Variants in PCDH11X observed in about 807,000 individuals in gnomAD.
The protein encoded by PCDH11X is protocadherin-11 X-linked.
Under a neutral mutation model 53.3 loss-of-function variants are expected in PCDH11X, and 18 were observed. The ratio of observed to expected loss-of-function variants is 0.34; its 90% CI spans 0.23 to 0.50. PCDH11X has a LOEUF of 0.50. Ranked by LOEUF, PCDH11X falls within the 20% of genes least tolerant of loss-of-function variation. The pLI, the probability that PCDH11X is intolerant of heterozygous loss-of-function variation, is 0.98. For missense variants in PCDH11X, 570 were observed against 1,032.4 expected (o/e 0.55, Z 6.14); for synonymous variants, 279 against 393.3 (o/e 0.71, Z 3.44).
intron 6 of PCDH11X, among the ~76,000 whole-genome samples, chrX:92,015,889 G>A (rs376211806): frequency 2.7e-5 from 3 of 110,918 alleles, no homozygotes; most frequent in Admixed American, 9.6e-5. Flanking sequence ...TTCCATTTGC[G>A]TTTCTCAGAT....
chrX:92,597,024 A>G (rs754468338), intron 10 of PCDH11X, among the ~76,000 whole-genome samples: 3 of 111,388 alleles, frequency 2.7e-5, no homozygotes, highest in Admixed American at 1.9e-4. Flanking sequence ...AACTGAACAC[A>G]CTACAACATA....
intron 6 of PCDH11X, among the ~76,000 whole-genome samples, chrX:91,943,663 T>C (rs2061536484): frequency 1.0e-5 from 1 of 99,236 alleles, no homozygotes; most frequent in South Asian, 5.2e-4. Context: ...ACAGAATGCT[T>C]TCCCCCTGAA....
chrX:92,003,334 G>A (rs1306301444), intron 6 of PCDH11X, among the ~76,000 whole-genome samples: 1 of 107,363 alleles, frequency 9.3e-6, no homozygotes, highest in Non-Finnish European at 1.9e-5. Flanking sequence ...ATATTGGCCT[G>A]TAGTTTTATC....
chrX:92,313,839 T>TA, intron 8 of PCDH11X, among the ~76,000 whole-genome samples: 1 of 111,423 alleles, frequency 9.0e-6, no homozygotes. Flanking sequence ...AAAAGTACAG[T>TA]AAAAATACGG....
intron 6 of PCDH11X, 159 bp downstream of exon 6, chrX:91,879,432 T>C: frequency 1.9e-6 from 2 of 1,061,417 alleles, no homozygotes; most frequent in Non-Finnish European, 2.5e-6. Context: ...TTAAGTTTGG[T>C]AGAAGATGAG....
At chrX:92,452,085 A>G (rs1348818691) in intron 9 of PCDH11X, among the ~76,000 whole-genome samples, 1 of 109,696 alleles carries the variant, frequency 9.1e-6, no homozygotes, top group East Asian at 2.9e-4. Flanking sequence ...TAGACAAATT[A>G]TGTCGATAGA....
intron 6 of PCDH11X, among the ~76,000 whole-genome samples, chrX:92,135,902 TAGC>T (rs1292066586): frequency 9.0e-6 from 1 of 110,764 alleles, no homozygotes; most frequent in Non-Finnish European, 1.9e-5. Context: ...GAGAAAGTAA[TAGC>T]AGAGTCGAGA....
chrX:91,780,480 T>C (rs1458490698), intron 1 of PCDH11X, among the ~76,000 whole-genome samples: 1 of 112,487 alleles, frequency 8.9e-6, no homozygotes, highest in African/African-American at 3.2e-5. Context: ...CTAAGAGTAT[T>C]GCCAGACATA....
chrX:92,417,904 G>C (rs1326390561), intron 9 of PCDH11X, among the ~76,000 whole-genome samples: 1 of 94,755 alleles, frequency 1.1e-5, no homozygotes, highest in African/African-American at 3.9e-5. Context: ...GGCTCGCATA[G>C]CCGACTCCTA....
chrX:91,826,014 T>A (rs1266995699), intron 4 of PCDH11X, among the ~76,000 whole-genome samples: 2 of 110,032 alleles, frequency 1.8e-5, no homozygotes, highest in African/African-American at 3.4e-5. Flanking sequence ...ATACTAATAC[T>A]TTTGAAGCAG....
rs185473756 is a variant in PCDH11X at position 91,999,676 on chromosome X, G to T, written c.3033+120403G>T. Among the ~76,000 whole-genome samples the T allele has an allele frequency of 7.3e-5, 8 of 109,211 alleles. No individual in the cohort carries two copies. In the East Asian group the frequency reaches 2.3e-3, roughly 31 times the overall value. The allele number at this position is 109,211 out of a possible 115,157, so 94.8% of individuals were successfully genotyped here. On this transcript the variant is annotated intron_variant, in intron 6 of 10. Coordinates refer to ENST00000682573, the MANE Select transcript of PCDH11X (RefSeq NM_032968.5). Reference sequence around the variant, plus strand: ...ATTGAAGAATAAACATATAACACTGGCTACACTAGATGGAGAGACTCAGAG... The same window carrying T: ...ATTGAAGAATAAACATATAACACTGTCTACACTAGATGGAGAGACTCAGAG...
chrX:92,473,337 T>C (rs5984188), intron 10 of PCDH11X, among the ~76,000 whole-genome samples: 26,304 of 110,475 alleles, frequency 0.24, 2,502 homozygotes, highest in East Asian at 0.54. Context: ...TATTCAGGTC[T>C]TCTCTCTTTT....
intron 6 of PCDH11X, among the ~76,000 whole-genome samples, chrX:92,148,101 TC>T (rs1569389206): frequency 4.9e-4 from 11 of 22,229 alleles, no homozygotes; most frequent in Non-Finnish European, 7.3e-4. Flanking sequence ...TTTCTTTCTT[TC>T]TTTCTTTCTT....
chrX:92,564,115 A>G (rs1436590850), intron 10 of PCDH11X, among the ~76,000 whole-genome samples: 1 of 111,049 alleles, frequency 9.0e-6, no homozygotes, highest in Non-Finnish European at 1.9e-5. Flanking sequence ...AAGTAACTGA[A>G]GAGGACACCA....
chrX:91,848,263 G>A (rs1937805152), intron 5 of PCDH11X, among the ~76,000 whole-genome samples: 1 of 107,990 alleles, frequency 9.3e-6, no homozygotes, highest in Non-Finnish European at 1.9e-5. Context: ...GCAATGATGC[G>A]ATCTCGGCTC....
chrX:91,840,632 C>T (rs1407480441), intron 5 of PCDH11X, among the ~76,000 whole-genome samples: 1 of 111,484 alleles, frequency 9.0e-6, no homozygotes, highest in Non-Finnish European at 1.9e-5. Flanking sequence ...AAAATCTCAC[C>T]TACCACAAGA....
At chrX:92,055,759 T>G (rs1206467099) in intron 6 of PCDH11X, among the ~76,000 whole-genome samples, 1 of 110,677 alleles carries the variant, frequency 9.0e-6, no homozygotes, top group African/African-American at 3.3e-5. Flanking sequence ...TATGTGTCAG[T>G]GTGTTCTCAT....
intron 5 of PCDH11X, among the ~76,000 whole-genome samples, chrX:91,868,261 C>A (rs1259979241): frequency 1.8e-5 from 2 of 111,782 alleles, no homozygotes; most frequent in Non-Finnish European, 3.8e-5. Flanking sequence ...CAATGCTTAC[C>A]CATTTCCAAA....
chrX:92,341,773 A>G (rs1470752031), intron 8 of PCDH11X, among the ~76,000 whole-genome samples: 1 of 112,032 alleles, frequency 8.9e-6, no homozygotes, highest in Non-Finnish European at 1.9e-5. Context: ...TTACAGTTCA[A>G]CATGAGATTT....
Sources: allele counts gnomAD v4.1 joint callset (sites outside exome capture counted in the v4.1 genomes callset), GRCh38; gene constraint gnomAD v4.1.1; transcripts MANE v1.5; gene names NCBI Gene and HGNC (gene_info 2026-07-23, HGNC 2026-07-21).